Variants in DERL3 observed in about 807,000 individuals in gnomAD.
DERL3 encodes the protein derlin-3.
DERL3 carries 20 observed loss-of-function variants against 23.8 expected under a neutral mutation model. That is an observed-to-expected ratio of 0.84 (90% CI 0.59 to 1.22). The LOEUF (loss-of-function observed/expected upper bound fraction) is 1.22. Among genes scored for constraint, DERL3 ranks in the 50% most tolerant of loss-of-function variants. The probability of loss-of-function intolerance (pLI) is 0.00; values close to 1 mark genes in which losing one functional copy is unlikely to be tolerated. For synonymous variants in DERL3, 145 were observed against 132.5 expected, an observed-to-expected ratio of 1.09 and a Z score of -0.65; for missense variants, 319 against 304.1, an observed-to-expected ratio of 1.05 and a Z score of -0.36.
At position 23,836,872 on chromosome 22, in the gene DERL3, C is replaced by G; in HGVS notation, c.705G>C (p.Gln235His). The G allele has an allele frequency of 6.8e-7, 1 of 1,468,214 alleles. No individual in the cohort carries two copies. The highest frequency in any genetic ancestry group is 9.0e-7 in the Non-Finnish European group (1 of 1,108,096). 90.9% of individuals were successfully genotyped at this position (1,468,214 alleles called of 1,614,324 possible). A position where few individuals can be genotyped will look rare whatever the true frequency, so the allele number is the denominator to read the frequency against. ...QPGPHLPPPQ[Q>H] ...TAGGCCTGGCCCTGGGTGGGGGTCA[C>G]TGCTGCGGGGGTGGCAGATGGGGTC... The change falls in exon 7 of 7, where the codon CAG becomes CAC. Residue 235 changes from glutamine to histidine, a missense_variant. Coordinates refer to ENST00000318109, the MANE Select transcript of DERL3 (RefSeq NM_001002862.3).
chr22:23,835,610 G>C lies in DERL3; in HGVS notation c.*1259C>G. On this transcript the variant is annotated 3_prime_UTR_variant, in exon 7 of 7. Coordinates refer to ENST00000318109, the MANE Select transcript of DERL3 (RefSeq NM_001002862.3). ...AGAGTGGAACTCCCCAGAGCCCCAT[G>C]CACAGCAAGGGGACAGCTGGGCCTT... The C allele has an allele frequency of 1.0e-6, 1 of 985,530 alleles. No individual in the cohort carries two copies. The highest frequency in any genetic ancestry group is 1.2e-6 in the Non-Finnish European group (1 of 829,960). 61.0% of individuals were successfully genotyped at this position (985,530 alleles called of 1,614,324 possible). A position where few individuals can be genotyped will look rare whatever the true frequency, so the allele number is the denominator to read the frequency against.
At chr22:23,837,180 G>C (rs1024274433) in intron 5 of DERL3, 26 bp from the exon 6 acceptor site, 2 of 1,612,542 alleles carry the variant, frequency 1.2e-6, no homozygotes, top group Non-Finnish European at 1.7e-6. Flanking sequence ...GGACTGTGGG[G>C]TCACCCTCCA....
In DERL3 at chr22:23,838,423, C is replaced by T. The variant is rs376592408; in HGVS notation, c.256G>A (p.Glu86Lys). Residue 86 changes from glutamate (E) to lysine (K), a missense_variant, in exon 4 of 7, where the codon GAA (glutamate) becomes AAA (lysine). Physicochemically the swap from Glu to Lys is moderately conservative, Grantham distance 56. Transcript: ENST00000318109. ...GTGCGGCCGCGGAAGGAGCCCTCTT[C>T]CAGCATGCGGCAGTAGCGGAACCTA... ...LFVFRYCRML[E>K]EGSFRGRTAD... The T allele has an allele frequency of 3.1e-6, 5 of 1,608,246 alleles. No homozygotes were observed. Among genetic ancestry groups the T allele is most frequent in the Non-Finnish European group, 3.4e-6 (4 of 1,177,242 alleles).
rs1568967457 is a variant in DERL3 at position 23,836,596 on chromosome 22, C to T, written c.*273G>A. The T allele has an allele frequency of 8.5e-7, 1 of 1,178,068 alleles. No individual in the cohort carries two copies. Among genetic ancestry groups the T allele is most frequent in the Non-Finnish European group, 1.0e-6 (1 of 955,294 alleles). The allele number at this position is 1,178,068 out of a possible 1,614,324, so 73.0% of individuals were successfully genotyped here. On this transcript the variant is annotated 3_prime_UTR_variant, in exon 7 of 7. Transcript: ENST00000318109. Reference sequence around the variant, plus strand: ...CAAAGCTCTGCCAGGCAACCATGGGCAGTTTCTTTGCCCTCTGTGGGCACC... The same window carrying T: ...CAAAGCTCTGCCAGGCAACCATGGGTAGTTTCTTTGCCCTCTGTGGGCACC...
Position 23,835,556 on chromosome 22 carries a change from T to C in DERL3, c.*1313A>G. 1.0e-6 allele frequency: 1 copy of C among 985,468 alleles called. No individual in the cohort carries two copies. The highest frequency in any genetic ancestry group is 1.7e-5 in the African/African-American group (1 of 57,364). 61.0% of individuals were successfully genotyped at this position (985,468 alleles called of 1,614,324 possible). On this transcript the variant is annotated 3_prime_UTR_variant, in exon 7 of 7. Coordinates refer to ENST00000318109, the MANE Select transcript of DERL3 (RefSeq NM_001002862.3). ...TAGCATGGGACTCTTCCCAGGGAGT[T>C]TGCACTCAGGGCCTCTGCCCTCCAT...
chr22:23,838,508 T>C, intron 3 of DERL3, 56 bp downstream of exon 3: 5 of 1,572,612 alleles, frequency 3.2e-6, no homozygotes, highest in Non-Finnish European at 4.3e-6. Context: ...CCGGCCTCTC[T>C]CCCAGCCCGG....
In DERL3 at chr22:23,837,048, G is replaced by T. The variant is rs200374286; in HGVS notation, c.614+16C>A. On this transcript the variant is annotated intron_variant, in intron 6 of 6. Transcript: ENST00000318109. ...TCTGAGGGTGGGGAGAGGGAGGGAG[G>T]GCTCTCAACACTCACAGGAAGCCAG... 2.0e-5 allele frequency: 33 copies of T among 1,613,432 alleles called. No homozygotes were observed. Among genetic ancestry groups the T allele is most frequent in the Middle Eastern group, 1.6e-4 (1 of 6,068 alleles).
In DERL3 at chr22:23,835,021, G is replaced by A; in HGVS notation, c.*1848C>T. ...TGTTCTAGCTCCAGTGGCACCCATA[G>A]CCAGGTCAGCTGGGGCCCTTTCCCA... On this transcript the variant is annotated 3_prime_UTR_variant, in exon 7 of 7. Coordinates refer to ENST00000318109, the MANE Select transcript of DERL3 (RefSeq NM_001002862.3). 1 of 1,431,578 alleles carries A rather than the reference G, an allele frequency of 7.0e-7. No homozygotes were observed. Among genetic ancestry groups the A allele is most frequent in the Non-Finnish European group, 9.1e-7 (1 of 1,094,626 alleles). 88.7% of individuals were successfully genotyped at this position (1,431,578 alleles called of 1,614,324 possible). A position where few individuals can be genotyped will look rare whatever the true frequency, so the allele number is the denominator to read the frequency against.
At chr22:23,838,134 C>A (rs1293200592) in intron 4 of DERL3, 2 of 1,525,140 alleles carry the variant, frequency 1.3e-6, no homozygotes, top group Non-Finnish European at 1.8e-6. Context: ...CCCTGACAAC[C>A]CACCTGGCTC....
At position 23,837,701 on chromosome 22, in the gene DERL3, A is replaced by G. The variant is rs568728482; in HGVS notation, c.481T>C (p.Phe161Leu). The change falls in exon 5 of 7, where the codon TTC (phenylalanine) becomes CTC (leucine). Residue 161 changes from phenylalanine to leucine, a missense_variant. Coordinates refer to ENST00000318109, the MANE Select transcript of DERL3 (RefSeq NM_001002862.3). ...APFLPWALMG[F>L]SLLLGNSILV... ...ATGGAGTTGCCCAGCAGCAGCGAGA[A>G]GCCCATGAGCGCCCAAGGCAGGAAC... 1 of 1,613,944 alleles carries G rather than the reference A, an allele frequency of 6.2e-7. No homozygotes were observed.
In DERL3 at chr22:23,836,708, G is replaced by A. The variant is rs1344881264; in HGVS notation, c.*161C>T. On this transcript the variant is annotated 3_prime_UTR_variant, in exon 7 of 7. Transcript: ENST00000318109. ...GAAGGATGTGGCCAGGTGAGATGGG[G>A]AAGCCAGTGCTGTGGGCCAAGAGAC... 52 of 1,330,938 alleles carry A rather than the reference G, an allele frequency of 3.9e-5. No homozygotes were observed. The highest frequency in any genetic ancestry group is 5.0e-5 in the Non-Finnish European group (52 of 1,047,526). 82.4% of individuals were successfully genotyped at this position (1,330,938 alleles called of 1,614,324 possible). A position where few individuals can be genotyped will look rare whatever the true frequency, so the allele number is the denominator to read the frequency against.
chr22:23,838,117 C>T, intron 4 of DERL3: 3 of 1,518,288 alleles, frequency 2.0e-6, no homozygotes, highest in Middle Eastern at 1.7e-4. Context: ...CAGGGCTCAG[C>T]TAGTGGCCCT....
chr22:23,835,764 C>T lies in DERL3; in HGVS notation c.*1105G>A, dbSNP rs151200188. 8.7e-3 allele frequency: 8,613 copies of T among 985,484 alleles called. 47 individuals carry two copies. The highest frequency in any genetic ancestry group is 0.018 in the Admixed American group (289 of 16,294). 61.0% of individuals were successfully genotyped at this position (985,484 alleles called of 1,614,324 possible). A position where few individuals can be genotyped will look rare whatever the true frequency, so the allele number is the denominator to read the frequency against. On this transcript the variant is annotated 3_prime_UTR_variant, in exon 7 of 7. Transcript: ENST00000318109. ...TCGGCAATGAAAGGGTGAGGCAGCC[C>T]TGTGTCTCCACAACTGGGGGGATGG... is the stretch of plus-strand genomic sequence containing the variant.
chr22:23,837,588 C>G (rs2146064210), intron 5 of DERL3, 71 bp downstream of exon 5: 5 of 1,513,896 alleles, frequency 3.3e-6, no homozygotes, highest in Non-Finnish European at 4.5e-6. Flanking sequence ...GAGAGGGGCC[C>G]CAGGGCATAA....
rs192927503 is a variant in DERL3, at chr22:23,837,551, G to C, written c.523+108C>G. 10 of 1,165,878 alleles carry C rather than the reference G, an allele frequency of 8.6e-6. No homozygotes were observed. In the African/African-American group the frequency reaches 1.5e-4, roughly 18 times the overall value. 72.2% of individuals were successfully genotyped at this position (1,165,878 alleles called of 1,614,324 possible). The stretch of plus-strand genomic sequence containing the variant: ...GGCAGGAAGATGGGGATGGAGCCAG[G>C]TGTGAGGAGAACTCCAGCAAGGATG... On this transcript the variant is annotated intron_variant, in intron 5 of 6. Transcript: ENST00000318109.
Position 23,838,933 on chromosome 22 carries a change from C to T in DERL3, c.55G>A (p.Ala19Thr), listed in dbSNP as rs781340381. ...EFLQVPAVTR[A>T]YTAACVLTTA... ...GTGAGGACACAGGCTGCGGTGTAAG[C>T]CCGCGTCACCGCCGGCACCTGCAGG... The change falls in exon 1 of 7, where the codon GCT (alanine) becomes ACT (threonine). Residue 19 changes from alanine (A) to threonine (T), a missense_variant. By Grantham distance (58) the Ala-to-Thr change is moderately conservative. Transcript: ENST00000318109. 1.7e-5 allele frequency: 27 copies of T among 1,579,892 alleles called. No homozygotes were observed. Among genetic ancestry groups the T allele is most frequent in the Middle Eastern group, 1.7e-4 (1 of 5,942 alleles).
Position 23,835,752 on chromosome 22 carries a change from G to A in DERL3, c.*1117C>T. ...GAGGTAGGAACCTCGGCAATGAAAG[G>A]GTGAGGCAGCCCTGTGTCTCCACAA... is the stretch of plus-strand genomic sequence containing the variant. On this transcript the variant is annotated 3_prime_UTR_variant, in exon 7 of 7. Transcript: ENST00000318109. 10 of 985,454 alleles carry A rather than the reference G, an allele frequency of 1.0e-5. No individual in the cohort carries two copies. Among genetic ancestry groups the A allele is most frequent in the Non-Finnish European group, 1.2e-5 (10 of 829,934 alleles). The allele number at this position is 985,454 out of a possible 1,614,324, so 61.0% of individuals were successfully genotyped here.
intron 4 of DERL3, 200 bp from the exon 5 acceptor site, chr22:23,838,054 C>A: frequency 7.0e-7 from 1 of 1,436,756 alleles, no homozygotes; most frequent in South Asian, 1.4e-5. Context: ...AGCCTCATCC[C>A]AGGGCCCAAC....
At position 23,835,870 on chromosome 22, in the gene DERL3, C is replaced by A; in HGVS notation, c.*999G>T. 1.0e-6 allele frequency: 1 copy of A among 985,508 alleles called. No homozygotes were observed. Among genetic ancestry groups the A allele is most frequent in the South Asian group, 4.7e-5 (1 of 21,288 alleles). The allele number at this position is 985,508 out of a possible 1,614,324, so 61.0% of individuals were successfully genotyped here. On this transcript the variant is annotated 3_prime_UTR_variant, in exon 7 of 7. Transcript: ENST00000318109. ...TGCCGGGAAGGCTGGGCCCTCACTCCTGACCGCCAGCTCACACCGCCGCAA... is the reference window on the plus strand; with the variant it reads ...TGCCGGGAAGGCTGGGCCCTCACTCATGACCGCCAGCTCACACCGCCGCAA...
Sources: allele counts gnomAD v4.1 joint callset, GRCh38; gene constraint gnomAD v4.1.1; transcripts MANE v1.5; gene names NCBI Gene and HGNC (gene_info 2026-07-23, HGNC 2026-07-21).